Variants in PRELID2 observed in about 807,000 individuals in gnomAD.
The protein encoded by PRELID2 is PRELI domain-containing protein 2.
Under a neutral mutation model 28.4 loss-of-function variants are expected in PRELID2, and 25 were observed. The observed-to-expected ratio is 0.88, with a 90% CI of 0.64 to 1.23. PRELID2 has a LOEUF of 1.23. PRELID2 is among the 50% of genes most tolerant of loss of function. PRELID2 has a pLI of 0.00. For missense variants in PRELID2, 201 were observed against 214.4 expected, an observed-to-expected ratio of 0.94 and a Z score of 0.39; for synonymous variants, 76 against 71.6, an observed-to-expected ratio of 1.06 and a Z score of -0.31.
Position 145,816,941 on chromosome 5 carries a change from A to T in PRELID2, c.368+953T>A, listed in dbSNP as rs536699443. 2.8e-4 allele frequency among the ~76,000 whole-genome samples: 42 copies of T among 152,026 alleles called. No homozygotes were observed. In the East Asian group the frequency reaches 7.9e-3, roughly 29 times the overall value. On this transcript the variant is annotated intron_variant, in intron 4 of 6. Transcript: ENST00000683046. ...TTTGGGAGGCTGATGTAGGAGAATC[A>T]CTTGAGCCAGGAGTTTGAGACCAGC... is the stretch of plus-strand genomic sequence containing the variant.
chr5:145,296,481 G>A, the PRELID2 span, among the ~76,000 whole-genome samples: 2 of 151,860 alleles, frequency 1.3e-5, no homozygotes, highest in African/African-American at 4.8e-5. Flanking sequence ...TGAGAATGAT[G>A]ATTTCCAATT....
the PRELID2 span, among the ~76,000 whole-genome samples, chr5:145,243,915 A>C: frequency 0.084 from 12,713 of 151,938 alleles, 1,165 homozygotes; most frequent in African/African-American, 0.23. Context: ...TTCCTCAGCA[A>C]CTTTTACTTC....
intron 1 of PRELID2, among the ~76,000 whole-genome samples, chr5:145,749,548 C>G (rs1757076321): frequency 6.6e-6 from 1 of 152,150 alleles, no homozygotes; most frequent in Non-Finnish European, 1.5e-5. Flanking sequence ...TTGTGGAAGA[C>G]AGTATGGCGA....
chr5:145,285,965 T>C, the PRELID2 span, among the ~76,000 whole-genome samples: 1 of 152,212 alleles, frequency 6.6e-6, no homozygotes, highest in Non-Finnish European at 1.5e-5. Context: ...TATTTTTGGC[T>C]CTGAGCACAC....
At chr5:145,531,915 T>C (rs1580969729) in intron 1 of PRELID2, among the ~76,000 whole-genome samples, 1 of 152,160 alleles carries the variant, frequency 6.6e-6, no homozygotes, top group East Asian at 1.9e-4. Flanking sequence ...CCATGTAGAC[T>C]TGAGAAAGTT....
chr5:145,523,160 T>A (rs1196749786), intron 1 of PRELID2, among the ~76,000 whole-genome samples: 1 of 152,136 alleles, frequency 6.6e-6, no homozygotes, highest in African/African-American at 2.4e-5. Context: ...TGGGATACGA[T>A]TTATATGACT....
At chr5:145,710,424 A>T (rs1226727107) in intron 1 of PRELID2, among the ~76,000 whole-genome samples, 1 of 152,256 alleles carries the variant, frequency 6.6e-6, no homozygotes, top group East Asian at 1.9e-4. Context: ...CCCTTTTTCA[A>T]AAAGGTAGGA....
downstream of PRELID2, among the ~76,000 whole-genome samples, chr5:145,468,284 TATGTGCC>T (rs539282778): frequency 3.2e-3 from 483 of 152,298 alleles, 4 homozygotes; most frequent in African/African-American, 0.011. Context: ...CCATGGTATA[TATGTGCC>T]ACATTTTCTT....
intron 1 of PRELID2, among the ~76,000 whole-genome samples, chr5:145,647,770 G>A (rs1246328754): frequency 2.0e-5 from 3 of 152,166 alleles, no homozygotes; most frequent in African/African-American, 7.2e-5. Flanking sequence ...AGTCCCTCAT[G>A]GCTTCCCCTG....
At chr5:145,294,823 G>A in the PRELID2 span, among the ~76,000 whole-genome samples, 1 of 152,048 alleles carries the variant, frequency 6.6e-6, no homozygotes, top group Admixed American at 6.6e-5. Flanking sequence ...ACTTATAAGT[G>A]AATCTCTGCT....
intron 1 of PRELID2, among the ~76,000 whole-genome samples, chr5:145,580,853 T>G (rs1753102002): frequency 6.6e-6 from 1 of 152,054 alleles, no homozygotes; most frequent in Admixed American, 6.6e-5. Flanking sequence ...CTATTAGCAT[T>G]ACCGTATTTC....
At chr5:145,656,071 C>A (rs957054709) in intron 1 of PRELID2, among the ~76,000 whole-genome samples, 3 of 152,084 alleles carry the variant, frequency 2.0e-5, no homozygotes, top group African/African-American at 7.2e-5. Context: ...AACAAACAAC[C>A]CCATCACAAA....
chr5:145,656,265 A>T (rs980705562), intron 1 of PRELID2, among the ~76,000 whole-genome samples: 1 of 152,204 alleles, frequency 6.6e-6, no homozygotes, highest in Non-Finnish European at 1.5e-5. Context: ...GGTGCTGGAG[A>T]GGATGTGGAG....
intron 4 of PRELID2, among the ~76,000 whole-genome samples, chr5:145,815,841 C>T (rs1418942678): frequency 6.6e-6 from 1 of 152,036 alleles, no homozygotes; most frequent in Non-Finnish European, 1.5e-5. Context: ...TACATTCTGG[C>T]TATTATAATG....
At chr5:145,253,847 CA>C in the PRELID2 span, among the ~76,000 whole-genome samples, 20 of 147,448 alleles carry the variant, frequency 1.4e-4, no homozygotes, top group South Asian at 6.5e-4. Context: ...ACAAAAAAAA[CA>C]AAAAAAAAAT....
chr5:145,349,163 T>C, the PRELID2 span, among the ~76,000 whole-genome samples: 5 of 152,158 alleles, frequency 3.3e-5, no homozygotes, highest in African/African-American at 1.2e-4. Flanking sequence ...CAAAAATACA[T>C]ATGCTATTAT....
At chr5:145,787,006 A>G (rs547157101) in intron 5 of PRELID2, among the ~76,000 whole-genome samples, 1 of 152,226 alleles carries the variant, frequency 6.6e-6, no homozygotes, top group South Asian at 2.1e-4. Flanking sequence ...GTTGAATTCA[A>G]TCGTTCTCTG....
intron 1 of PRELID2, among the ~76,000 whole-genome samples, chr5:145,687,409 C>T (rs1369230743): frequency 6.6e-6 from 1 of 152,076 alleles, no homozygotes; most frequent in Non-Finnish European, 1.5e-5. Context: ...CTGGACTCTT[C>T]AAAAATATCA....
intron 1 of PRELID2, among the ~76,000 whole-genome samples, chr5:145,698,045 T>C (rs1282405705): frequency 3.3e-5 from 5 of 151,988 alleles, no homozygotes; most frequent in Non-Finnish European, 5.9e-5. Context: ...ATTCAAAACA[T>C]AAATGCAAGC....
Sources: gnomAD v4.1 joint callset for allele counts (sites outside exome capture counted in the v4.1 genomes callset) on GRCh38, gnomAD v4.1.1 for gene constraint, MANE v1.5 for transcripts, NCBI Gene and HGNC (gene_info 2026-07-23, HGNC 2026-07-21) for gene names.